The following OGA variants were observed in gnomAD, a reference collection of about 807,000 sequenced individuals.
OGA encodes protein O-GlcNAcase.
OGA carries 21 observed loss-of-function variants against 102.0 expected under a neutral mutation model. The observed-to-expected ratio is 0.21, with a 90% confidence interval of 0.15 to 0.30. The LOEUF (loss-of-function observed/expected upper bound fraction) is 0.30, where lower values mean the gene tolerates loss of function less well. Among genes scored for constraint, OGA ranks in the 10% least tolerant of loss-of-function variants. OGA has a pLI of 1.00. For missense variants in OGA, 765 were observed against 1,107.8 expected, an observed-to-expected ratio of 0.69 and a Z score of 4.39; for synonymous variants, 408 against 378.2, an observed-to-expected ratio of 1.08 and a Z score of -0.91.
chr10:101,794,015 C>T lies in OGA; in HGVS notation c.1985-17G>A. The stretch of plus-strand genomic sequence containing the variant: ...TACGACACCCTGTTGAGATCAGATC[C>T]AAGCGGAGAACGTTACGAGAAAGGG... On this transcript the variant is annotated splice_polypyrimidine_tract_variant and intron_variant, in intron 10 of 15. Transcript: ENST00000361464. 1 of 1,588,680 alleles carries T rather than the reference C, an allele frequency of 6.3e-7. No homozygotes were observed. Among genetic ancestry groups the T allele is most frequent in the Non-Finnish European group, 8.6e-7 (1 of 1,158,682 alleles).
At position 101,790,962 on chromosome 10, in the gene OGA, G is replaced by A; in HGVS notation, c.2388C>T (p.Ser796=). The change falls in exon 14 of 16, where the codon TCC becomes TCT. Residue 796 remains serine, a synonymous_variant. Coordinates refer to ENST00000361464, the MANE Select transcript of OGA (RefSeq NM_012215.5). ...ACTTCTCCTGCATGAAGGGGATCCAGGAAATTTTACATTTTTTAATAAAGG... is the reference window on the plus strand; with the variant it reads ...ACTTCTCCTGCATGAAGGGGATCCAAGAAATTTTACATTTTTTAATAAAGG... ...VTPFIKKCKI[S]WIPFMQEKYT... 1 of 1,613,812 alleles carries A rather than the reference G, an allele frequency of 6.2e-7. No individual in the cohort carries two copies.
chr10:101,813,162 G>A (rs1374465359), intron 2 of OGA, 35 bp from the exon 3 acceptor site: 1 of 1,369,040 alleles, frequency 7.3e-7, no homozygotes, highest in African/African-American at 1.5e-5. Flanking sequence ...TGTATAAACA[G>A]GCAACATTCA....
At chr10:101,802,035 C>T (rs1201973488) in intron 7 of OGA, among the ~76,000 whole-genome samples, 14 of 152,146 alleles carry the variant, frequency 9.2e-5, no homozygotes, top group Admixed American at 9.2e-4. Context: ...ATCCCAGCTA[C>T]TCAGGAGGCT....
chr10:101,790,748 C>A, intron 14 of OGA, 148 bp downstream of exon 14: 1 of 563,498 alleles, frequency 1.8e-6, no homozygotes, highest in Non-Finnish European at 2.8e-6. Context: ...CATAAGAATT[C>A]TTTCTGCAAG....
At chr10:101,812,360 A>C (rs984305078) in intron 3 of OGA, among the ~76,000 whole-genome samples, 2 of 152,128 alleles carry the variant, frequency 1.3e-5, no homozygotes, top group Non-Finnish European at 2.9e-5. Context: ...GTTAGCCGAG[A>C]TCGCACCACT....
At chr10:101,807,658 G>A in intron 5 of OGA, 72 bp downstream of exon 5, 1 of 1,058,954 alleles carries the variant, frequency 9.4e-7, no homozygotes, top group Non-Finnish European at 1.3e-6. Flanking sequence ...GAGAGAGAAT[G>A]GGGCCCATGG....
intron 10 of OGA, 22 bp from the exon 11 acceptor site, chr10:101,794,020 G>A (rs369793273): frequency 7.6e-6 from 12 of 1,572,974 alleles, no homozygotes; most frequent in South Asian, 2.2e-5. Flanking sequence ...AGATCCAAGC[G>A]GAGAACGTTA....
chr10:101,818,224 C>T lies in OGA; in HGVS notation c.-202G>A, dbSNP rs1037484147. On this transcript the variant is annotated 5_prime_UTR_variant, in exon 1 of 16. Coordinates refer to ENST00000361464, the MANE Select transcript of OGA (RefSeq NM_012215.5). ...AAGGGCGGCGGCACCGGCGCGAGCCCTTTGTCAGCCGCAGCCTCGGCTTTA... is the reference window on the plus strand; with the variant it reads ...AAGGGCGGCGGCACCGGCGCGAGCCTTTTGTCAGCCGCAGCCTCGGCTTTA... The T allele has an allele frequency of 3.0e-6, 4 of 1,342,276 alleles. No homozygotes were observed. The African/African-American group carries it at 4.6e-5, about 15-fold the overall frequency. 83.1% of individuals were successfully genotyped at this position (1,342,276 alleles called of 1,614,324 possible).
intron 4 of OGA, among the ~76,000 whole-genome samples, chr10:101,808,968 T>G (rs1336599837): frequency 6.6e-6 from 1 of 150,472 alleles, no homozygotes; most frequent in Non-Finnish European, 1.5e-5. Context: ...AGACTCAGTT[T>G]CAAAAAAAAA....
chr10:101,797,700 A>T, intron 10 of OGA: 1 of 559,808 alleles, frequency 1.8e-6, no homozygotes. Context: ...TTCCATCCAG[A>T]AAGCATTCAG....
chr10:101,808,787 G>A (rs191439120), intron 4 of OGA, among the ~76,000 whole-genome samples: 19 of 152,232 alleles, frequency 1.2e-4, no homozygotes, highest in Admixed American at 5.9e-4. Flanking sequence ...GGCAAACATG[G>A]TGAAACCCCA....
At chr10:101,815,263 A>C (rs558105083) in intron 1 of OGA, among the ~76,000 whole-genome samples, 1 of 152,098 alleles carries the variant, frequency 6.6e-6, no homozygotes, top group Non-Finnish European at 1.5e-5. Context: ...TTAGCCTCTC[A>C]CAAGTGATAC....
chr10:101,810,403 T>C, intron 3 of OGA, 89 bp from the exon 4 acceptor site: 3 of 1,224,132 alleles, frequency 2.5e-6, no homozygotes, highest in Non-Finnish European at 3.4e-6. Flanking sequence ...TTATTTCTTC[T>C]AACTTACAAG....
intron 1 of OGA, among the ~76,000 whole-genome samples, chr10:101,817,281 G>T (rs747522428): frequency 6.6e-6 from 1 of 152,176 alleles, no homozygotes; most frequent in African/African-American, 2.4e-5. Context: ...CAGTAGCTGG[G>T]AAAGAGGGCA....
chr10:101,798,697 A>G, intron 9 of OGA, 145 bp downstream of exon 9: 1 of 1,052,948 alleles, frequency 9.5e-7, no homozygotes, highest in Non-Finnish European at 1.3e-6. Flanking sequence ...TACAGGCATG[A>G]GCCATCATAA....
Position 101,817,843 on chromosome 10 carries a change from G to A in OGA, c.180C>T (p.Phe60=), listed in dbSNP as rs1047479523. Reference sequence around the variant, plus strand: ...GCTCACCTTCCACCACACCGCAGAGGAACCGCCGAGCCCCTCCTGCAGCCC... The same window carrying A: ...GCTCACCTTCCACCACACCGCAGAGAAACCGCCGAGCCCCTCCTGCAGCCC... ...VAGAAGGARR[F]LCGVVEGFYG... Residue 60 remains phenylalanine, a synonymous_variant, in exon 1 of 16, where the codon TTC becomes TTT. Transcript: ENST00000361464. 1.2e-5 allele frequency: 19 copies of A among 1,540,004 alleles called. No individual in the cohort carries two copies. Among genetic ancestry groups the A allele is most frequent in the Non-Finnish European group, 1.7e-5 (19 of 1,146,846 alleles).
At chr10:101,810,372 C>T in intron 3 of OGA, 58 bp from the exon 4 acceptor site, 4 of 1,448,886 alleles carry the variant, frequency 2.8e-6, no homozygotes, top group East Asian at 2.3e-5. Context: ...AGAACCTTCA[C>T]TGAAGGTTTA....
chr10:101,807,908 G>T lies in OGA; in HGVS notation c.481-7C>A, dbSNP rs79385712. 4.2e-6 allele frequency: 5 copies of T among 1,201,502 alleles called. No homozygotes were observed. The highest frequency in any genetic ancestry group is 4.4e-6 in the Non-Finnish European group (4 of 919,274). The allele number at this position is 1,201,502 out of a possible 1,614,324, so 74.4% of individuals were successfully genotyped here. On this transcript the variant is annotated splice_region_variant and splice_polypyrimidine_tract_variant and intron_variant, in intron 4 of 15. Transcript: ENST00000361464. Reference sequence around the variant, plus strand: ...TGCACCCAAACTGAGAAACCTAGGAGAAAAAAAAAAAAAAGAATCAAGAGT... The same window carrying T: ...TGCACCCAAACTGAGAAACCTAGGATAAAAAAAAAAAAAAGAATCAAGAGT...
In OGA at chr10:101,796,428, A is replaced by C. The variant is rs559996030; in HGVS notation, c.1984+1552T>G. 9.9e-5 allele frequency among the ~76,000 whole-genome samples: 15 copies of C among 151,952 alleles called. No individual in the cohort carries two copies. In the South Asian group the frequency reaches 2.7e-3, roughly 27 times the overall value. ...AAGCACATGCCACCACGCCCAGCTA[A>C]TTTTTGTATTTTTAGTAGAAATGGG... is the stretch of plus-strand genomic sequence containing the variant. On this transcript the variant is annotated intron_variant, in intron 10 of 15. Coordinates refer to ENST00000361464, the MANE Select transcript of OGA (RefSeq NM_012215.5).
Sources: gnomAD v4.1 joint callset for allele counts (sites outside exome capture counted in the v4.1 genomes callset) on GRCh38, gnomAD v4.1.1 for gene constraint, MANE v1.5 for transcripts, NCBI Gene and HGNC (gene_info 2026-07-23, HGNC 2026-07-21) for gene names.